Variants in PTPRR observed in about 807,000 individuals in gnomAD.
PTPRR encodes the protein receptor-type tyrosine-protein phosphatase R.
In PTPRR, 38 loss-of-function variants were observed where a neutral mutation model predicts 77.2. That is an observed-to-expected ratio of 0.49 (90% CI 0.38 to 0.65). The LOEUF (loss-of-function observed/expected upper bound fraction) is 0.65. Ranked by LOEUF, PTPRR falls within the 30% of genes least tolerant of loss-of-function variation. PTPRR has a pLI of 0.00. For synonymous variants in PTPRR, 299 were observed against 283.1 expected (o/e 1.06, Z -0.57); for missense variants, 744 against 799.2 (o/e 0.93, Z 0.83).
chr12:70,725,869 A>C (rs1889415559), intron 6 of PTPRR, among the ~76,000 whole-genome samples: 1 of 152,162 alleles, frequency 6.6e-6, no homozygotes, highest in Non-Finnish European at 1.5e-5. Context: ...GTCAAATTCT[A>C]GGATGAATGC....
At chr12:70,915,735 T>C (rs1893765895) in intron 1 of PTPRR, among the ~76,000 whole-genome samples, 1 of 152,166 alleles carries the variant, frequency 6.6e-6, no homozygotes, top group Non-Finnish European at 1.5e-5. Flanking sequence ...ATAGTGTGTT[T>C]TGGGGGCATG....
At chr12:70,728,136 T>C (rs1889508604) in intron 6 of PTPRR, among the ~76,000 whole-genome samples, 1 of 151,456 alleles carries the variant, frequency 6.6e-6, no homozygotes, top group Non-Finnish European at 1.5e-5. Flanking sequence ...AATAACCCAA[T>C]ACAGGTTGAG....
At chr12:70,746,165 G>A (rs749283335) in intron 5 of PTPRR, 79 bp from the exon 6 acceptor site, 565 of 1,336,410 alleles carry the variant, frequency 4.2e-4, no homozygotes, top group Non-Finnish European at 5.5e-4. Flanking sequence ...CCCCACCCTG[G>A]CCGACAAACC....
In PTPRR at chr12:70,672,905, C is replaced by G. The variant is rs778841489; in HGVS notation, c.1498-10300G>C. On this transcript the variant is annotated intron_variant, in intron 10 of 13. Transcript: ENST00000283228. ...TGGTCATAGGATGGGGGCATCTGCT[C>G]CCACTCAGCTTAGCCCAGGGAAATG... 2.6e-6 allele frequency: 4 copies of G among 1,540,490 alleles called. No homozygotes were observed. In the Admixed American group the frequency reaches 7.1e-5, roughly 27 times the overall value.
chr12:70,900,497 C>G (rs773364764), intron 1 of PTPRR, among the ~76,000 whole-genome samples: 33 of 151,256 alleles, frequency 2.2e-4, no homozygotes, highest in Non-Finnish European at 4.1e-4. Flanking sequence ...CCCAAAAGCA[C>G]AGGCAACTGA....
At chr12:70,804,164 T>TGTGG (rs1009406379) in intron 2 of PTPRR, among the ~76,000 whole-genome samples, 1 of 151,564 alleles carries the variant, frequency 6.6e-6, no homozygotes, top group Non-Finnish European at 1.5e-5. Context: ...TGTGTGTGTG[T>TGTGG]GTGTGTGTGT....
chr12:70,760,085 T>A (rs1234484303), intron 4 of PTPRR, among the ~76,000 whole-genome samples: 1 of 152,226 alleles, frequency 6.6e-6, no homozygotes, highest in East Asian at 1.9e-4. Context: ...AATGATGACA[T>A]ATATTCTCAT....
At chr12:70,670,110 G>A (rs1238314796) in intron 10 of PTPRR, among the ~76,000 whole-genome samples, 2 of 152,152 alleles carry the variant, frequency 1.3e-5, no homozygotes, top group Non-Finnish European at 2.9e-5. Flanking sequence ...GGGCAAAATG[G>A]GGCTTAGAGT....
chr12:70,759,777 A>G (rs1195563064), intron 4 of PTPRR, among the ~76,000 whole-genome samples: 1 of 151,946 alleles, frequency 6.6e-6, no homozygotes, highest in Non-Finnish European at 1.5e-5. Context: ...GGTGTATCAT[A>G]GATCTATCGA....
intron 6 of PTPRR, among the ~76,000 whole-genome samples, chr12:70,718,555 T>C (rs905758731): frequency 1.8e-4 from 28 of 152,182 alleles, no homozygotes; most frequent in Non-Finnish European, 3.2e-4. Context: ...TGAGCCACTA[T>C]GCCTGGCCGG....
At chr12:70,917,603 A>G (rs907963590) in intron 1 of PTPRR, among the ~76,000 whole-genome samples, 38 of 152,262 alleles carry the variant, frequency 2.5e-4, no homozygotes, top group African/African-American at 8.4e-4. Flanking sequence ...ACAGCATGGT[A>G]CCCACTCCTC....
intron 2 of PTPRR, among the ~76,000 whole-genome samples, chr12:70,827,833 GTC>G (rs1892141669): frequency 6.8e-6 from 1 of 146,576 alleles, no homozygotes; most frequent in African/African-American, 2.6e-5. Flanking sequence ...CAATTCTCCT[GTC>G]TCAGCCTCCC....
intron 2 of PTPRR, among the ~76,000 whole-genome samples, chr12:70,886,542 C>T (rs899646929): frequency 9.9e-5 from 15 of 152,058 alleles, no homozygotes; most frequent in African/African-American, 3.4e-4. Flanking sequence ...GATTTTGAAT[C>T]CTGGGAATAG....
chr12:70,781,390 G>GA (rs1442081628), intron 2 of PTPRR, among the ~76,000 whole-genome samples: 1 of 152,186 alleles, frequency 6.6e-6, no homozygotes, highest in Non-Finnish European at 1.5e-5. Flanking sequence ...TGGAGGTTAA[G>GA]AAAAATGTGA....
At chr12:70,837,239 A>T (rs1892320659) in intron 2 of PTPRR, among the ~76,000 whole-genome samples, 1 of 152,056 alleles carries the variant, frequency 6.6e-6, no homozygotes, top group Admixed American at 6.6e-5. Flanking sequence ...AAATTTCCTC[A>T]CATCCATGGA....
At chr12:70,808,175 C>G (rs966611555) in intron 2 of PTPRR, among the ~76,000 whole-genome samples, 3 of 152,240 alleles carry the variant, frequency 2.0e-5, no homozygotes, top group Middle Eastern at 3.4e-3. Flanking sequence ...GCAGCACCCC[C>G]AGGCTTGCTA....
chr12:70,656,681 A>G, intron 13 of PTPRR, 23 bp downstream of exon 13: 1 of 1,535,538 alleles, frequency 6.5e-7, no homozygotes, highest in Admixed American at 1.7e-5. Flanking sequence ...AGTGCTCTGA[A>G]GGCAAGCCTC....
intron 10 of PTPRR, among the ~76,000 whole-genome samples, chr12:70,673,261 C>T (rs1887314622): frequency 6.6e-6 from 1 of 152,178 alleles, no homozygotes; most frequent in Non-Finnish European, 1.5e-5. Flanking sequence ...ATCTTAGTTT[C>T]TGTCCTGCTA....
chr12:70,731,017 GGAGA>G (rs1413370418), intron 6 of PTPRR, among the ~76,000 whole-genome samples: 3 of 139,506 alleles, frequency 2.2e-5, no homozygotes, highest in African/African-American at 7.9e-5. Flanking sequence ...GATAGAGGAA[GGAGA>G]GAGAGAGGAA....
Sources: allele counts gnomAD v4.1 joint callset (sites outside exome capture counted in the v4.1 genomes callset), GRCh38; gene constraint gnomAD v4.1.1; transcripts MANE v1.5; gene names NCBI Gene and HGNC (gene_info 2026-07-23, HGNC 2026-07-21).